The following ZPLD1 variants were observed in gnomAD, a reference collection of about 807,000 sequenced individuals.
ZPLD1 encodes zona pellucida like domain containing 1.
ZPLD1 carries 34 observed loss-of-function variants against 47.2 expected under a neutral mutation model. The ratio of observed to expected loss-of-function variants is 0.72; its 90% CI spans 0.55 to 0.96. ZPLD1 has a LOEUF of 0.96. Ranked by LOEUF, ZPLD1 falls within the 40% of genes least tolerant of loss-of-function variation. The pLI is 0.00. For synonymous variants in ZPLD1, 176 were observed against 186.2 expected, an observed-to-expected ratio of 0.95 and a Z score of 0.45; for missense variants, 512 against 505.8, an observed-to-expected ratio of 1.01 and a Z score of -0.12.
At chr3:102,446,306 G>A (rs1440068444) in intron 3 of ZPLD1, among the ~76,000 whole-genome samples, 1 of 152,160 alleles carries the variant, frequency 6.6e-6, no homozygotes, top group African/African-American at 2.4e-5. Context: ...ACTCCATTGG[G>A]AAAATTACAG....
In ZPLD1 at chr3:102,426,696, A is replaced by G. The variant is rs189214287; in HGVS notation, c.-9+8489A>G. Among the ~76,000 whole-genome samples, 5 of 152,272 alleles carry G rather than the reference A, an allele frequency of 3.3e-5. No homozygotes were observed. In the East Asian group the frequency reaches 9.6e-4, roughly 29 times the overall value. ...GAAGTGTTTAAATGTAAGGGCTTAAATTTTAGGTTCTCCTAGATTTCAATA... is the reference window on the plus strand; with the variant it reads ...GAAGTGTTTAAATGTAAGGGCTTAAGTTTTAGGTTCTCCTAGATTTCAATA... On this transcript the variant is annotated intron_variant, in intron 8 of 17. Transcript: ENST00000491959.
chr3:102,390,873 G>A (rs1363274858), intron 6 of ZPLD1, among the ~76,000 whole-genome samples: 1 of 152,058 alleles, frequency 6.6e-6, no homozygotes, highest in East Asian at 1.9e-4. Context: ...GGTTTAAGCT[G>A]CTGACATTGG....
At chr3:102,444,456 T>C (rs1486597578) in intron 3 of ZPLD1, among the ~76,000 whole-genome samples, 2 of 152,184 alleles carry the variant, frequency 1.3e-5, no homozygotes, top group African/African-American at 4.8e-5. Flanking sequence ...TTAGGACTTC[T>C]AGCTCTTTTA....
intron 3 of ZPLD1, among the ~76,000 whole-genome samples, chr3:102,449,264 TG>T (rs1316836525): frequency 6.6e-6 from 1 of 152,188 alleles, no homozygotes; most frequent in Non-Finnish European, 1.5e-5. Context: ...CCTAACCAGC[TG>T]GTCTGGGCAA....
chr3:102,436,231 C>G (rs993590561), intron 1 of ZPLD1, among the ~76,000 whole-genome samples: 2 of 152,184 alleles, frequency 1.3e-5, no homozygotes, highest in East Asian at 3.8e-4. Flanking sequence ...TTTCAATTAA[C>G]ATGAGTTTTT....
At chr3:102,427,172 A>G (rs533535179) in intron 8 of ZPLD1, among the ~76,000 whole-genome samples, 35 of 152,332 alleles carry the variant, frequency 2.3e-4, no homozygotes, top group African/African-American at 8.4e-4. Context: ...TTTCGTGATT[A>G]TTGCTTCCTA....
chr3:102,431,672 G>A (rs557719244), upstream of ZPLD1, among the ~76,000 whole-genome samples: 17 of 152,190 alleles, frequency 1.1e-4, no homozygotes, highest in Non-Finnish European at 2.1e-4. Context: ...ATTTTGGGAG[G>A]CCGGGGTGTG....
At chr3:102,409,471 A>C (rs1706726968) in intron 7 of ZPLD1, among the ~76,000 whole-genome samples, 1 of 151,776 alleles carries the variant, frequency 6.6e-6, no homozygotes, top group African/African-American at 2.4e-5. Flanking sequence ...CACACATATC[A>C]CTGCCCAGAA....
At chr3:102,414,665 G>A (rs1012612972) in intron 7 of ZPLD1, among the ~76,000 whole-genome samples, 1 of 151,652 alleles carries the variant, frequency 6.6e-6, no homozygotes. Context: ...TAACTGCGAA[G>A]AAATTATAGT....
In ZPLD1 at chr3:102,435,075, G is replaced by T. The variant is rs1707067136; in HGVS notation, c.-202G>T. ...ATTCAATTTCAGAAAAGTATTTAGG[G>T]ACTGTGCTAAAATAGCATCTCCAAG... On this transcript the variant is annotated 5_prime_UTR_variant, in exon 1 of 12. Coordinates refer to ENST00000466937, the MANE Select transcript of ZPLD1 (RefSeq NM_001329788.2). 6.2e-7 allele frequency: 1 copy of T among 1,611,678 alleles called. No homozygotes were observed. The highest frequency in any genetic ancestry group is 8.5e-7 in the Non-Finnish European group (1 of 1,177,922).
At chr3:102,413,867 T>C (rs1425742320) in intron 7 of ZPLD1, among the ~76,000 whole-genome samples, 1 of 151,760 alleles carries the variant, frequency 6.6e-6, no homozygotes, top group Non-Finnish European at 1.5e-5. Context: ...AATATAAAAT[T>C]CATATAAAAT....
intron 8 of ZPLD1, among the ~76,000 whole-genome samples, chr3:102,426,731 AAG>A (rs1706952892): frequency 6.6e-6 from 1 of 152,164 alleles, no homozygotes; most frequent in South Asian, 2.1e-4. Context: ...ATTGATTGTT[AAG>A]TAATACTTTT....
At chr3:102,459,771 TA>T (rs1707478005) in intron 6 of ZPLD1, among the ~76,000 whole-genome samples, 1 of 152,126 alleles carries the variant, frequency 6.6e-6, no homozygotes, top group African/African-American at 2.4e-5. Context: ...CCCTTGCACA[TA>T]TTTTTTTCTA....
At chr3:102,442,405 G>A (rs1216068551) in intron 3 of ZPLD1, among the ~76,000 whole-genome samples, 12 of 150,346 alleles carry the variant, frequency 8.0e-5, no homozygotes, top group Admixed American at 7.3e-4. Context: ...CACTAAATTT[G>A]TATTTTAATA....
intron 8 of ZPLD1, among the ~76,000 whole-genome samples, chr3:102,421,328 A>T (rs1706876438): frequency 6.6e-6 from 1 of 151,846 alleles, no homozygotes; most frequent in Non-Finnish European, 1.5e-5. Flanking sequence ...AATATTGTGG[A>T]ATTGGAAATA....
At chr3:102,402,265 T>C (rs1338872230) in intron 7 of ZPLD1, among the ~76,000 whole-genome samples, 4 of 152,032 alleles carry the variant, frequency 2.6e-5, no homozygotes, top group Admixed American at 2.6e-4. Context: ...TTTAAATCAC[T>C]TAAATATCTC....
At chr3:102,463,080 T>C (rs1707534360) in intron 7 of ZPLD1, among the ~76,000 whole-genome samples, 1 of 152,232 alleles carries the variant, frequency 6.6e-6, no homozygotes, top group Non-Finnish European at 1.5e-5. Context: ...GTCTTTAAAA[T>C]TGTCCTTTAA....
At chr3:102,398,113 A>G (rs1009020316) in intron 7 of ZPLD1, among the ~76,000 whole-genome samples, 1 of 152,144 alleles carries the variant, frequency 6.6e-6, no homozygotes, top group African/African-American at 2.4e-5. Context: ...TGCCATTTAA[A>G]TAAAAGCTTT....
At chr3:102,470,761 G>T (rs74376523) in intron 10 of ZPLD1, among the ~76,000 whole-genome samples, 3,131 of 151,446 alleles carry the variant, frequency 0.021, 110 homozygotes, top group African/African-American at 0.072. Flanking sequence ...CACACGAGTA[G>T]GCCATGCTGG....
Sources: allele counts gnomAD v4.1 joint callset (sites outside exome capture counted in the v4.1 genomes callset), GRCh38; gene constraint gnomAD v4.1.1; transcripts MANE v1.5; gene names NCBI Gene and HGNC (gene_info 2026-07-23, HGNC 2026-07-21).